The following RARS2 variants were observed in gnomAD, a reference collection of about 807,000 sequenced individuals.
RARS2 encodes arginyl-tRNA synthetase 2, mitochondrial, also known as probable arginine--tRNA ligase, mitochondrial.
RARS2 carries 67 observed loss-of-function variants against 88.5 expected under a neutral mutation model. That is an observed-to-expected ratio of 0.76 (90% confidence interval 0.62 to 0.93). The LOEUF (loss-of-function observed/expected upper bound fraction) is 0.93, where lower values mean the gene tolerates loss of function less well. Among genes scored for constraint, RARS2 ranks in the 40% least tolerant of loss-of-function variants. The pLI, the probability that RARS2 is intolerant of heterozygous loss-of-function variation, is 0.00. For missense variants in RARS2, 664 were observed against 684.2 expected (o/e 0.97, Z 0.33); for synonymous variants, 239 against 230.3 (o/e 1.04, Z -0.34).
rs1038751214 is a variant in RARS2, at chr6:87,530,897, C to T, written c.658G>A (p.Ala220Thr). Residue 220 changes from alanine to threonine, a missense_variant, in exon 9 of 20, where the codon GCA becomes ACA. Physicochemically the swap from Ala to Thr is moderately conservative, Grantham distance 58. Transcript: ENST00000369536. Reference protein sequence around the residue: ...NKEAADDKSVAKAAQEFFQRL... With the variant: ...NKEAADDKSVTKAAQEFFQRL... ...TGGAAGAACTCCTGTGCTGCTTTTG[C>T]TACACTTTTATCATCTGCTGCTTCT... is the stretch of plus-strand genomic sequence containing the variant. 2.2e-5 allele frequency: 36 copies of T among 1,614,054 alleles called. No homozygotes were observed. Among genetic ancestry groups the T allele is most frequent in the Non-Finnish European group, 2.9e-5 (34 of 1,180,030 alleles).
intron 11 of RARS2, among the ~76,000 whole-genome samples, chr6:87,521,805 TAAC>T (rs576815435): frequency 8.3e-4 from 127 of 152,276 alleles, no homozygotes; most frequent in South Asian, 2.3e-3. Context: ...CAAGTAGTAA[TAAC>T]AACTAAAATA....
At chr6:87,559,391 T>C (rs13208692) in intron 4 of RARS2, among the ~76,000 whole-genome samples, 3 of 131,614 alleles carry the variant, frequency 2.3e-5, no homozygotes, top group Non-Finnish European at 3.1e-5. Flanking sequence ...CGCTTGAACC[T>C]GGGGGGCGGA....
At chr6:87,585,077 T>C (rs1437010681) in intron 1 of RARS2, among the ~76,000 whole-genome samples, 1 of 152,058 alleles carries the variant, frequency 6.6e-6, no homozygotes, top group Non-Finnish European at 1.5e-5. Flanking sequence ...TAATCAAAAG[T>C]CAACATGGCA....
intron 1 of RARS2, among the ~76,000 whole-genome samples, chr6:87,587,452 A>G (rs1416381362): frequency 6.6e-6 from 1 of 152,216 alleles, no homozygotes; most frequent in East Asian, 1.9e-4. Flanking sequence ...AGAGAAATAC[A>G]TATATATCTG....
In RARS2 at chr6:87,551,105, T is replaced by G. The variant is rs1334128132; in HGVS notation, c.396-2459A>C. ...TCCCTCCGGTATTAGAAAAATTGAA[T>G]CTATCCAGGTCTTCAAGTTTTGACA... On this transcript the variant is annotated intron_variant, in intron 5 of 19. Coordinates refer to ENST00000369536, the MANE Select transcript of RARS2 (RefSeq NM_020320.5). Among the ~76,000 whole-genome samples the G allele has an allele frequency of 2.0e-5, 3 of 152,158 alleles. No homozygotes were observed. The South Asian group carries it at 6.2e-4, about 31-fold the overall frequency.
chr6:87,573,688 T>TA (rs1221884926), intron 1 of RARS2, among the ~76,000 whole-genome samples: 1 of 151,680 alleles, frequency 6.6e-6, no homozygotes, highest in Admixed American at 6.6e-5. Context: ...TTTCACAATT[T>TA]AAAAAAACAC....
chr6:87,565,480 G>A (rs1402426872), intron 2 of RARS2, among the ~76,000 whole-genome samples: 2 of 152,174 alleles, frequency 1.3e-5, no homozygotes, highest in Non-Finnish European at 2.9e-5. Flanking sequence ...TAGGGAAGCA[G>A]GGTAGGGAAT....
intron 12 of RARS2, 51 bp from the exon 13 acceptor site, chr6:87,520,307 T>C (rs551902809): frequency 7.3e-7 from 1 of 1,372,272 alleles, no homozygotes; most frequent in Non-Finnish European, 1.0e-6. Context: ...AATTAATGTA[T>C]AAAAATAGGT....
intron 2 of RARS2, among the ~76,000 whole-genome samples, chr6:87,568,426 G>C (rs78452560): frequency 0.045 from 6,819 of 151,328 alleles, 203 homozygotes; most frequent in East Asian, 0.096. Flanking sequence ...CTTGAGCACG[G>C]GAGTTTGAGG....
intron 17 of RARS2, among the ~76,000 whole-genome samples, chr6:87,517,417 A>G (rs1248086462): frequency 2.0e-5 from 3 of 152,252 alleles, no homozygotes; most frequent in Admixed American, 2.0e-4. Flanking sequence ...GTCCACAGCA[A>G]AAACTTAAAT....
Position 87,514,423 on chromosome 6 carries a change from C to T in RARS2, c.1727G>A (p.Cys576Tyr). ...CCATTTTAATGGAAATTACATCCTA[C>T]ATACAGGTGTTATTCCAAGAAGTTT... The part of the protein sequence containing the change: ...GMKLLGITPV[C>Y]RM The change falls in exon 20 of 20, where the codon TGT becomes TAT. Residue 576 changes from cysteine (C) to tyrosine (Y), a missense_variant. By Grantham distance (194) the Cys-to-Tyr change is radical. Coordinates refer to ENST00000369536, the MANE Select transcript of RARS2 (RefSeq NM_020320.5). The T allele has an allele frequency of 6.2e-7, 1 of 1,602,742 alleles. No individual in the cohort carries two copies. Among genetic ancestry groups the T allele is most frequent in the Middle Eastern group, 1.7e-4 (1 of 6,028 alleles).
intron 4 of RARS2, among the ~76,000 whole-genome samples, chr6:87,559,566 T>C (rs529689093): frequency 4.8e-4 from 73 of 152,034 alleles, no homozygotes; most frequent in African/African-American, 1.1e-3. Flanking sequence ...TCCTAGTTCA[T>C]TGCAGCCCTA....
chr6:87,519,451 G>C, intron 14 of RARS2, 132 bp downstream of exon 14: 3 of 994,160 alleles, frequency 3.0e-6, no homozygotes, highest in Admixed American at 4.1e-5. Context: ...TCTAATTAGT[G>C]AAAGGTATTT....
chr6:87,572,278 T>TA (rs976644598), intron 1 of RARS2, among the ~76,000 whole-genome samples: 1 of 152,184 alleles, frequency 6.6e-6, no homozygotes, highest in African/African-American at 2.4e-5. Flanking sequence ...TGTCATATAA[T>TA]AAACATGTAA....
rs963545446 is a variant in RARS2 at position 87,562,878 on chromosome 6, A to G, written c.214-93T>C. The G allele has an allele frequency of 5.4e-6, 5 of 927,854 alleles. No homozygotes were observed. The African/African-American group carries it at 8.1e-5, about 15-fold the overall frequency. The allele number at this position is 927,854 out of a possible 1,614,324, so 57.5% of individuals were successfully genotyped here. ...TGCTATTTTTGGCTTACAAAGACAC[A>G]AGTAAGTCATCTTTCATGGTCCCTA... On this transcript the variant is annotated intron_variant, in intron 3 of 19. Coordinates refer to ENST00000369536, the MANE Select transcript of RARS2 (RefSeq NM_020320.5).
intron 1 of RARS2, among the ~76,000 whole-genome samples, chr6:87,572,552 C>A (rs1161129786): frequency 6.6e-6 from 1 of 151,984 alleles, no homozygotes; most frequent in Non-Finnish European, 1.5e-5. Flanking sequence ...TTAATAATTT[C>A]TTCTTCTTCT....
chr6:87,552,147 A>C (rs1237679741), intron 5 of RARS2, among the ~76,000 whole-genome samples: 1 of 152,226 alleles, frequency 6.6e-6, no homozygotes, highest in African/African-American at 2.4e-5. Context: ...CAAGTTACTT[A>C]ATCTAGTATT....
At chr6:87,530,655 A>T in intron 9 of RARS2, 129 bp downstream of exon 9, 1 of 1,224,086 alleles carries the variant, frequency 8.2e-7, no homozygotes, top group Non-Finnish European at 1.2e-6. Flanking sequence ...AAAAAATTTG[A>T]GTCTTAATTT....
chr6:87,580,291 C>T (rs1773080059), intron 1 of RARS2, among the ~76,000 whole-genome samples: 1 of 152,046 alleles, frequency 6.6e-6, no homozygotes, highest in African/African-American at 2.4e-5. Flanking sequence ...CTTCTTTAGG[C>T]CTCAAAGTAA....
Sources: allele counts gnomAD v4.1 joint callset (sites outside exome capture counted in the v4.1 genomes callset), GRCh38; gene constraint gnomAD v4.1.1; transcripts MANE v1.5; gene names NCBI Gene and HGNC (gene_info 2026-07-23, HGNC 2026-07-21).